Variants in PCM1 observed in about 807,000 individuals in gnomAD.
PCM1 encodes the protein pericentriolar material 1, also known as pericentriolar material 1 protein.
A neutral mutation model predicts 241.9 loss-of-function variants in PCM1; 157 were observed. The ratio of observed to expected loss-of-function variants is 0.65; its 90% CI spans 0.57 to 0.74. The LOEUF (loss-of-function observed/expected upper bound fraction) is 0.74, where lower values mean the gene tolerates loss of function less well. Among genes scored for constraint, PCM1 ranks in the 30% least tolerant of loss-of-function variants. The pLI is 0.00. For missense variants in PCM1, 3,478 were observed against 2,360.1 expected (o/e 1.47, Z -9.81); for synonymous variants, 1,085 against 784.9 (o/e 1.38, Z -6.39).
At position 17,966,265 on chromosome 8, in the gene PCM1, C is replaced by A. The variant is rs376793777; in HGVS notation, c.3075+47C>A. On this transcript the variant is annotated intron_variant, in intron 19 of 38. Coordinates refer to ENST00000325083, the MANE Select transcript of PCM1 (RefSeq NM_006197.4). ...TATTTTTCGTCTATTTTTATAACTTCTGAAGCAATACAAATTTTTCTCAAG... is the reference window on the plus strand; with the variant it reads ...TATTTTTCGTCTATTTTTATAACTTATGAAGCAATACAAATTTTTCTCAAG... 5.2e-5 allele frequency: 83 copies of A among 1,607,382 alleles called. No individual in the cohort carries two copies. The African/African-American group carries it at 9.4e-4, about 18-fold the overall frequency.
chr8:18,004,513 A>G (rs2090675007), intron 29 of PCM1, among the ~76,000 whole-genome samples: 1 of 152,110 alleles, frequency 6.6e-6, no homozygotes, highest in South Asian at 2.1e-4. Flanking sequence ...TCATTTCATG[A>G]GGAAATGAAA....
At chr8:17,933,189 G>A (rs376235853) in intron 2 of PCM1, among the ~76,000 whole-genome samples, 1 of 152,208 alleles carries the variant, frequency 6.6e-6, no homozygotes, top group East Asian at 1.9e-4. Flanking sequence ...TTTGGCATGT[G>A]GTAAGCAAAA....
chr8:17,923,745 C>G (rs1268273184), intron 1 of PCM1, among the ~76,000 whole-genome samples: 1 of 151,884 alleles, frequency 6.6e-6, no homozygotes, highest in Non-Finnish European at 1.5e-5. Context: ...CTGTGGGAGC[C>G]GATGGGCCGG....
intron 29 of PCM1, among the ~76,000 whole-genome samples, chr8:18,005,894 T>G (rs1179055650): frequency 6.6e-6 from 1 of 152,150 alleles, no homozygotes; most frequent in Admixed American, 6.5e-5. Context: ...AAGGTGAGTA[T>G]GCTTGTAAGA....
At position 17,956,495 on chromosome 8, in the gene PCM1, C is replaced by G. The variant is rs188233713; in HGVS notation, c.1473-109C>G. On this transcript the variant is annotated intron_variant, in intron 10 of 38. Coordinates refer to ENST00000325083, the MANE Select transcript of PCM1 (RefSeq NM_006197.4). ...CTGGAGAGTTCACTAGGTGGATATT[C>G]CATTAGGTCTAAATTTTGTTTCTGT... 5.9e-4 allele frequency: 395 copies of G among 666,764 alleles called. 6 individuals carry two copies. The East Asian group carries it at 6.0e-3, about 10-fold the overall frequency. 41.3% of individuals were successfully genotyped at this position (666,764 alleles called of 1,614,324 possible). A position where few individuals can be genotyped will look rare whatever the true frequency, so the allele number is the denominator to read the frequency against.
At chr8:18,004,275 A>AT (rs539571117) in intron 29 of PCM1, among the ~76,000 whole-genome samples, 359 of 152,308 alleles carry the variant, frequency 2.4e-3, no homozygotes, top group Non-Finnish European at 4.3e-3. Context: ...AAAGAATTAC[A>AT]TTTTTTAAAG....
chr8:17,980,625 A>G lies in PCM1; in HGVS notation c.3978A>G (p.Glu1326=), dbSNP rs34932823. Residue 1326 remains glutamate (E), a synonymous_variant, in exon 24 of 39, where the codon GAA becomes GAG. Coordinates refer to ENST00000325083, the MANE Select transcript of PCM1 (RefSeq NM_006197.4). ...GTGCCAGTATGTCTAGCACATGTGA[A>G]CCTTGCAAAAGTAGGAACAGACATT... ...YESASMSSTC[E]PCKSRNRHSA... 1.2e-6 allele frequency: 2 copies of G among 1,612,850 alleles called. No homozygotes were observed. The highest frequency in any genetic ancestry group is 1.1e-5 in the South Asian group (1 of 90,844).
intron 32 of PCM1, among the ~76,000 whole-genome samples, chr8:18,011,018 A>G (rs2092421336): frequency 6.6e-6 from 1 of 152,184 alleles, no homozygotes; most frequent in South Asian, 2.1e-4. Flanking sequence ...ACAATATAAA[A>G]TTATTTTAAC....
At chr8:17,954,477 C>T (rs1444721505) in intron 9 of PCM1, among the ~76,000 whole-genome samples, 3 of 151,222 alleles carry the variant, frequency 2.0e-5, no homozygotes, top group African/African-American at 7.3e-5. Flanking sequence ...GTGAAAGTTG[C>T]GCTTAAGTCC....
chr8:17,957,608 G>A lies in PCM1; in HGVS notation c.1873G>A (p.Glu625Lys). The change falls in exon 13 of 39, where the codon GAG becomes AAG. Residue 625 changes from glutamate to lysine, a missense_variant. Glu to Lys is a moderately conservative substitution (Grantham distance 56). Coordinates refer to ENST00000325083, the MANE Select transcript of PCM1 (RefSeq NM_006197.4). ...VAQGEDDEEE[E>K]EEAEEEGVSG... ...ACAAGGTGAAGATGATGAGGAGGAG[G>A]AGGAAGAAGCAGAAGAGGAGGGAGT... is the stretch of plus-strand genomic sequence containing the variant. 6.3e-6 allele frequency: 10 copies of A among 1,576,214 alleles called. No individual in the cohort carries two copies. The highest frequency in any genetic ancestry group is 8.6e-6 in the Non-Finnish European group (10 of 1,159,682).
At chr8:17,969,779 A>C (rs1438536626) in intron 22 of PCM1, 31 bp downstream of exon 22, 1 of 1,488,750 alleles carries the variant, frequency 6.7e-7, no homozygotes, top group Non-Finnish European at 9.3e-7. Flanking sequence ...TTTATTGCTT[A>C]AACATTCACT....
intron 27 of PCM1, among the ~76,000 whole-genome samples, chr8:17,990,681 C>G (rs894567968): frequency 6.6e-6 from 1 of 152,068 alleles, no homozygotes; most frequent in Non-Finnish European, 1.5e-5. Context: ...CATTTGCCAT[C>G]CAGGGTGCTT....
chr8:18,022,789 C>G (rs1205051673), intron 36 of PCM1, among the ~76,000 whole-genome samples: 2 of 152,128 alleles, frequency 1.3e-5, no homozygotes, highest in Non-Finnish European at 2.9e-5. Context: ...CAGAACTTCA[C>G]CATGATACCC....
chr8:17,941,889 C>T (rs541439013), intron 6 of PCM1, among the ~76,000 whole-genome samples: 2 of 152,232 alleles, frequency 1.3e-5, no homozygotes, highest in East Asian at 3.9e-4. Context: ...TTCTTCTGTT[C>T]ATATTTCCTC....
At chr8:17,985,649 C>T (rs2082331550) in intron 25 of PCM1, 30 bp downstream of exon 25, 1 of 1,529,110 alleles carries the variant, frequency 6.5e-7, no homozygotes, top group African/African-American at 1.4e-5. Context: ...ATTTTTCCTA[C>T]CCTATTATCA....
At chr8:17,928,124 C>T (rs2057721181) in intron 2 of PCM1, among the ~76,000 whole-genome samples, 1 of 152,136 alleles carries the variant, frequency 6.6e-6, no homozygotes, top group African/African-American at 2.4e-5. Flanking sequence ...CAATTGTTTT[C>T]CTACAGTTTC....
intron 9 of PCM1, among the ~76,000 whole-genome samples, chr8:17,955,180 A>G (rs886785754): frequency 6.6e-6 from 1 of 152,074 alleles, no homozygotes; most frequent in Admixed American, 6.6e-5. Flanking sequence ...CCAAGGTAGA[A>G]TATCATTATT....
intron 3 of PCM1, 84 bp from the exon 4 acceptor site, chr8:17,937,050 A>G: frequency 9.2e-7 from 1 of 1,085,482 alleles, no homozygotes; most frequent in Admixed American, 2.9e-5. Context: ...TAATTTTAAA[A>G]CTGACCAAAA....
chr8:18,004,968 C>G (rs2090832427), intron 29 of PCM1, among the ~76,000 whole-genome samples: 1 of 152,170 alleles, frequency 6.6e-6, no homozygotes. Context: ...TAGGTACATT[C>G]ACTTCACATT....
Sources: gnomAD v4.1 joint callset for allele counts (sites outside exome capture counted in the v4.1 genomes callset) on GRCh38, gnomAD v4.1.1 for gene constraint, MANE v1.5 for transcripts, NCBI Gene and HGNC (gene_info 2026-07-23, HGNC 2026-07-21) for gene names.